AVIL: variants seen among roughly 807,000 people sequenced by gnomAD.
AVIL encodes the protein advillin.
AVIL carries 78 observed loss-of-function variants against 109.9 expected under a neutral mutation model. The observed-to-expected ratio is 0.71, with a 90% confidence interval of 0.59 to 0.86. The LOEUF (loss-of-function observed/expected upper bound fraction) is 0.86. AVIL is among the 40% of genes least tolerant of loss of function. AVIL has a pLI of 0.00. For synonymous variants in AVIL, 367 were observed against 379.1 expected (o/e 0.97, Z 0.37); for missense variants, 892 against 1,016.5 (o/e 0.88, Z 1.67).
At position 57,803,379 on chromosome 12, in the gene AVIL, T is replaced by A; in HGVS notation, c.1830A>T (p.Glu610Asp). Residue 610 changes from glutamate (E) to aspartate (D), a missense_variant, in exon 16 of 20, where the codon GAA (glutamate) becomes GAT (aspartate). Coordinates refer to ENST00000549994, the MANE Select transcript of AVIL (RefSeq NM_006576.4). ...AGAGACGAGACTGGACATCTAGGAT[T>A]TCCTGCTGAAGTCTGCAATATAGTC... ...PYANDKRLQQ[E>D]ILDVQSRLFE... The A allele has an allele frequency of 6.2e-7, 1 of 1,614,182 alleles. No homozygotes were observed. Among genetic ancestry groups the A allele is most frequent in the Non-Finnish European group, 8.5e-7 (1 of 1,180,032 alleles).
chr12:57,801,513 G>T (rs781575403), intron 17 of AVIL: 9 of 228,424 alleles, frequency 3.9e-5, no homozygotes, highest in Non-Finnish European at 5.3e-5. Flanking sequence ...GCTGAGGCGG[G>T]TGGATCACCT....
Position 57,801,223 on chromosome 12 carries a change from G to GA in AVIL, c.2152-12dup, listed in dbSNP as rs1470302517. On this transcript the variant is annotated splice_polypyrimidine_tract_variant and intron_variant, in intron 17 of 19. Coordinates refer to ENST00000549994, the MANE Select transcript of AVIL (RefSeq NM_006576.4). ...ATATGTTTTTCCTGCCTGAGAAGAA[G>GA]AGAGAGAAAACACAGGATGAGGTCT... 1 of 1,611,860 alleles carries GA rather than the reference G, an allele frequency of 6.2e-7. No homozygotes were observed.
rs369339549 is a variant in AVIL at position 57,807,335 on chromosome 12, A to G, written c.1487T>C (p.Phe496Ser). ...ATTTTATCAGAGCATCCTCACCTCA[A>G]AGATAACTAGCTTCCCTTTGAAGAT... ...MAIFKGKLVI[F>S]EGGTSRKGNA... The change falls in exon 13 of 20, where the codon TTT (phenylalanine) becomes TCT (serine). Residue 496 changes from phenylalanine to serine, a missense_variant. Coordinates refer to ENST00000549994, the MANE Select transcript of AVIL (RefSeq NM_006576.4). 137 of 1,614,070 alleles carry G rather than the reference A, an allele frequency of 8.5e-5. No individual in the cohort carries two copies. Among genetic ancestry groups the G allele is most frequent in the Non-Finnish European group, 1.0e-4 (122 of 1,180,028 alleles).
chr12:57,803,422 C>T (rs1204772893), intron 15 of AVIL, 31 bp from the exon 16 acceptor site: 2 of 1,613,862 alleles, frequency 1.2e-6, no homozygotes, highest in Non-Finnish European at 1.7e-6. Flanking sequence ...GGGCATCAAG[C>T]TGCTTAGAAA....
rs377132987 is a variant in AVIL, at chr12:57,810,485, C to T, written c.625G>A (p.Glu209Lys). 4.2e-5 allele frequency: 68 copies of T among 1,614,040 alleles called. No homozygotes were observed. The highest frequency in any genetic ancestry group is 2.2e-4 in the South Asian group (20 of 91,090). The change falls in exon 7 of 20, where the codon GAG becomes AAG. Residue 209 changes from glutamate (E) to lysine (K), a missense_variant. By Grantham distance (56) the Glu-to-Lys change is moderately conservative. Coordinates refer to ENST00000549994, the MANE Select transcript of AVIL (RefSeq NM_006576.4). ...RGGRAKIGVI[E>K]GDKEAASPEL... The stretch of plus-strand genomic sequence containing the variant: ...GGGCTGGCTGCCTCCTTGTCTCCCT[C>T]GATCACTCCTATTTTAGCACGGCCC...
rs1212167810 is a variant in AVIL at position 57,817,817 on chromosome 12, CACACAGAAA to C, written c.-20+803_-20+811del. Among the ~76,000 whole-genome samples, 3 of 152,312 alleles carry C rather than the reference CACACAGAAA, an allele frequency of 2.0e-5. No homozygotes were observed. In the East Asian group the frequency reaches 5.8e-4, roughly 29 times the overall value. ...GAAGGGACTTCCTGTCACACTGGAA[CACACAGAAA>C]ACACAGTTCTGACATCAAATCTCCC... On this transcript the variant is annotated intron_variant, in intron 1 of 19. Coordinates refer to ENST00000549994, the MANE Select transcript of AVIL (RefSeq NM_006576.4).
chr12:57,799,687 A>T, intron 19 of AVIL, 108 bp downstream of exon 19: 2 of 1,492,854 alleles, frequency 1.3e-6, no homozygotes, highest in South Asian at 1.2e-5. Flanking sequence ...TCAGATGTCC[A>T]TTGAGCGGCT....
At chr12:57,801,003 CA>C (rs1955835830) in intron 18 of AVIL, 140 bp downstream of exon 18, 1 of 611,060 alleles carries the variant, frequency 1.6e-6, no homozygotes, top group Non-Finnish European at 2.7e-6. Context: ...CTATTGATTA[CA>C]AAAAGTCTTT....
Position 57,814,217 on chromosome 12 carries a change from G to T in AVIL, c.76C>A (p.Leu26Met). The T allele has an allele frequency of 1.2e-6, 2 of 1,612,758 alleles. No individual in the cohort carries two copies. The highest frequency in any genetic ancestry group is 1.7e-6 in the Non-Finnish European group (2 of 1,179,668). The change falls in exon 3 of 20, where the codon CTG becomes ATG. Residue 26 changes from leucine to methionine, a missense_variant. By Grantham distance (15) the Leu-to-Met change is conservative (BLOSUM62 2). Coordinates refer to ENST00000549994, the MANE Select transcript of AVIL (RefSeq NM_006576.4). ...TGGGCGCTCACAGGCACCAGCGCCAGCTCCATTTTCTGGAAGGACAAGGGG... is the reference window on the plus strand; with the variant it reads ...TGGGCGCTCACAGGCACCAGCGCCATCTCCATTTTCTGGAAGGACAAGGGG... ...IIVWRIEKMELALVPVSAHGN... is the reference protein window; with the variant it reads ...IIVWRIEKMEMALVPVSAHGN...
chr12:57,811,178 T>C, intron 4 of AVIL, 51 bp from the exon 5 acceptor site: 1 of 1,557,642 alleles, frequency 6.4e-7, no homozygotes, highest in Non-Finnish European at 8.8e-7. Flanking sequence ...TGCTAGGTTC[T>C]GGGGAGACAG....
Position 57,797,663 on chromosome 12 carries a change from C to T in AVIL, c.*219G>A. 1.3e-6 allele frequency: 1 copy of T among 746,802 alleles called. No individual in the cohort carries two copies. Among genetic ancestry groups the T allele is most frequent in the Non-Finnish European group, 1.7e-6 (1 of 581,608 alleles). 46.3% of individuals were successfully genotyped at this position (746,802 alleles called of 1,614,324 possible). Reference sequence around the variant, plus strand: ...TTCTGCTGAGGCTTTAGCTAGAGGGCCACAAAACCCAAAAACTATATGGTT... The same window carrying T: ...TTCTGCTGAGGCTTTAGCTAGAGGGTCACAAAACCCAAAAACTATATGGTT... On this transcript the variant is annotated 3_prime_UTR_variant, in exon 20 of 20. Transcript: ENST00000549994.
At chr12:57,807,769 C>T (rs761317220) in intron 11 of AVIL, 42 bp from the exon 12 acceptor site, 1 of 1,613,190 alleles carries the variant, frequency 6.2e-7, no homozygotes, top group South Asian at 1.1e-5. Flanking sequence ...GATGGGGGTG[C>T]TGAGAGGGGC....
chr12:57,815,161 C>A (rs1956085682), intron 2 of AVIL, among the ~76,000 whole-genome samples: 2 of 152,162 alleles, frequency 1.3e-5, no homozygotes, highest in Admixed American at 1.3e-4. Context: ...ACTGTGTTAG[C>A]CAGGATGGTC....
chr12:57,797,959 C>A lies in AVIL; in HGVS notation c.2383G>T (p.Gly795Cys). 1 of 1,612,892 alleles carries A rather than the reference C, an allele frequency of 6.2e-7. No homozygotes were observed. Among genetic ancestry groups the A allele is most frequent in the Non-Finnish European group, 8.5e-7 (1 of 1,179,360 alleles). ...LSEQDFVSVFGITRGQFAALP... is the reference protein window; with the variant it reads ...LSEQDFVSVFCITRGQFAALP... The stretch of plus-strand genomic sequence containing the variant: ...GCTGCAAATTGCCCTCTTGTGATGC[C>A]AAACACAGACACAAAGTCCTGTTCA... The change falls in exon 20 of 20, where the codon GGC becomes TGC. Residue 795 changes from glycine (G) to cysteine (C), a missense_variant. Physicochemically the swap from Gly to Cys is radical, Grantham distance 159 (BLOSUM62 -3). Coordinates refer to ENST00000549994, the MANE Select transcript of AVIL (RefSeq NM_006576.4).
chr12:57,799,998 AT>A (rs1955815067), intron 18 of AVIL, 78 bp from the exon 19 acceptor site: 1 of 1,547,276 alleles, frequency 6.5e-7, no homozygotes, highest in African/African-American at 1.4e-5. Context: ...TGTGTATAAT[AT>A]TTAACATTTT....
chr12:57,802,252 C>G lies in AVIL; in HGVS notation c.2059G>C (p.Asp687His), dbSNP rs756640098. 4 of 1,614,188 alleles carry G rather than the reference C, an allele frequency of 2.5e-6. No individual in the cohort carries two copies. The East Asian group carries it at 8.9e-5, about 36-fold the overall frequency. ...QYLHTHPSGR[D>H]PDTPILIIKQ... is the part of the protein sequence containing the mutation. ...ATGATCAGGATTGGTGTGTCGGGAT[C>G]TCGGCCGCTGGGGTGAGTGTGCAGG... The change falls in exon 17 of 20, where the codon GAT (aspartate) becomes CAT (histidine). Residue 687 changes from aspartate (D) to histidine (H), a missense_variant. Coordinates refer to ENST00000549994, the MANE Select transcript of AVIL (RefSeq NM_006576.4).
intron 4 of AVIL, among the ~76,000 whole-genome samples, chr12:57,812,562 A>C (rs901946397): frequency 6.6e-6 from 1 of 150,824 alleles, no homozygotes; most frequent in African/African-American, 2.4e-5. Flanking sequence ...GGGTTTCACC[A>C]TGTTGATCAG....
chr12:57,816,034 G>A lies in AVIL; in HGVS notation c.7C>T (p.Leu3=). The A allele has an allele frequency of 6.2e-7, 1 of 1,613,068 alleles. No homozygotes were observed. Among genetic ancestry groups the A allele is most frequent in the South Asian group, 1.1e-5 (1 of 90,944 alleles). ...TCCACAGCCCTGAAGGCACTGGTCA[G>A]AGGCATGATGCTTGTCTTTCCAGGA... MP[L]TSAFRAVDND... is the part of the protein sequence containing the mutation. The change falls in exon 2 of 20, where the codon CTG becomes TTG. Residue 3 remains leucine, a synonymous_variant. Coordinates refer to ENST00000549994, the MANE Select transcript of AVIL (RefSeq NM_006576.4).
chr12:57,817,412 C>T (rs1191744486), intron 1 of AVIL, among the ~76,000 whole-genome samples: 1 of 151,194 alleles, frequency 6.6e-6, no homozygotes, highest in African/African-American at 2.4e-5. Context: ...AGCAGACTCG[C>T]TTTGTCTACT....
Sources: gnomAD v4.1 joint callset for allele counts (sites outside exome capture counted in the v4.1 genomes callset) on GRCh38, gnomAD v4.1.1 for gene constraint, MANE v1.5 for transcripts, NCBI Gene and HGNC (gene_info 2026-07-23, HGNC 2026-07-21) for gene names.